MSRB3: variants seen among roughly 807,000 people sequenced by gnomAD.
The protein encoded by MSRB3 is methionine-R-sulfoxide reductase B3.
MSRB3 carries 13 observed loss-of-function variants against 21.0 expected under a neutral mutation model. The ratio of observed to expected loss-of-function variants is 0.62; its 90% CI spans 0.40 to 0.98. MSRB3 has a LOEUF of 0.98. MSRB3 is among the 50% of genes least tolerant of loss of function. The pLI is 0.00. For missense variants in MSRB3, 199 were observed against 230.3 expected (o/e 0.86, Z 0.88); for synonymous variants, 87 against 88.6 (o/e 0.98, Z 0.10).
intron 4 of MSRB3, among the ~76,000 whole-genome samples, chr12:65,367,326 A>G (rs779947859): frequency 1.3e-5 from 2 of 152,240 alleles, no homozygotes; most frequent in South Asian, 4.1e-4. Flanking sequence ...GTGGAGAACC[A>G]GATACTGAAT....
intron 5 of MSRB3, chr12:65,419,656 TG>T (rs2136640580): frequency 1.4e-6 from 1 of 711,400 alleles, no homozygotes; most frequent in Non-Finnish European, 2.6e-6. Context: ...GTCTCTGACC[TG>T]GGGTCCTGTC....
intron 5 of MSRB3, among the ~76,000 whole-genome samples, chr12:65,433,260 C>A (rs1215912570): frequency 6.6e-6 from 1 of 151,780 alleles, no homozygotes; most frequent in Non-Finnish European, 1.5e-5. Flanking sequence ...ACAAATTTAT[C>A]TTTCTTTAAA....
At chr12:65,333,236 A>G (rs763754459) in intron 4 of MSRB3, among the ~76,000 whole-genome samples, 13 of 152,200 alleles carry the variant, frequency 8.5e-5, no homozygotes, top group Non-Finnish European at 1.9e-4. Context: ...CTTTTTTGGC[A>G]TAGTAAGAAA....
At chr12:65,398,062 T>C (rs944068776) in intron 5 of MSRB3, among the ~76,000 whole-genome samples, 5 of 152,244 alleles carry the variant, frequency 3.3e-5, no homozygotes, top group Admixed American at 2.0e-4. Context: ...AGTGCTGCAA[T>C]AAACATACGT....
chr12:65,410,440 G>A (rs903061420), intron 5 of MSRB3, among the ~76,000 whole-genome samples: 55 of 152,218 alleles, frequency 3.6e-4, no homozygotes, highest in Middle Eastern at 3.4e-3. Flanking sequence ...CGGATCACTT[G>A]AGGCCAGCCT....
chr12:65,416,958 A>G (rs1592616620), intron 5 of MSRB3, among the ~76,000 whole-genome samples: 1 of 152,120 alleles, frequency 6.6e-6, no homozygotes, highest in African/African-American at 2.4e-5. Flanking sequence ...GAAGTCACAT[A>G]TATGATCCAT....
chr12:65,446,446 T>C (rs942657978), intron 5 of MSRB3, among the ~76,000 whole-genome samples: 1 of 152,224 alleles, frequency 6.6e-6, no homozygotes, highest in Non-Finnish European at 1.5e-5. Flanking sequence ...TAATTGTAGT[T>C]AGTAGAAAAA....
chr12:65,294,623 T>C (rs1250758990), intron 1 of MSRB3, among the ~76,000 whole-genome samples: 3 of 152,218 alleles, frequency 2.0e-5, no homozygotes, highest in Non-Finnish European at 1.5e-5. Context: ...GTTTTCCTCT[T>C]TGCTTTAAAA....
rs774714762 is a variant in MSRB3 at position 65,415,885 on chromosome 12, G to A, written c.293-37843G>A. Among the ~76,000 whole-genome samples, 40 of 152,154 alleles carry A rather than the reference G, an allele frequency of 2.6e-4. 1 individual carries two copies. Among genetic ancestry groups the A allele is most frequent in the Admixed American group, 1.6e-3 (24 of 15,254 alleles). ...CACTTCTGCCCCTGGCAGGCTTATA[G>A]TGCCAAGTTGTGGTTTGCAAACTCT... On this transcript the variant is annotated intron_variant, in intron 5 of 6. Transcript: ENST00000308259.
At chr12:65,417,245 T>C (rs957414798) in intron 5 of MSRB3, among the ~76,000 whole-genome samples, 8 of 152,172 alleles carry the variant, frequency 5.3e-5, no homozygotes, top group African/African-American at 1.9e-4. Context: ...ATTAAGGGAA[T>C]TAATGACATT....
At chr12:65,388,962 T>G (rs1879330546) in intron 5 of MSRB3, among the ~76,000 whole-genome samples, 1 of 152,198 alleles carries the variant, frequency 6.6e-6, no homozygotes, top group South Asian at 2.1e-4. Context: ...GCCTCCCTCT[T>G]TTCTTCTACC....
intron 1 of MSRB3, among the ~76,000 whole-genome samples, chr12:65,282,676 G>GTTTTTTTTTT (rs796149617): frequency 1.5e-5 from 2 of 133,768 alleles, no homozygotes; most frequent in Non-Finnish European, 1.6e-5. Context: ...CTTTGCTGGT[G>GTTTTTTTTTT]TTTTTTTTTT....
chr12:65,307,598 C>T (rs931789978), intron 1 of MSRB3, among the ~76,000 whole-genome samples: 15 of 151,824 alleles, frequency 9.9e-5, no homozygotes, highest in African/African-American at 2.9e-4. Context: ...TAGTATTTTC[C>T]ATTTGCATTT....
chr12:65,349,968 A>G (rs1876823810), intron 4 of MSRB3, among the ~76,000 whole-genome samples: 1 of 151,954 alleles, frequency 6.6e-6, no homozygotes, highest in South Asian at 2.1e-4. Flanking sequence ...GGTGTTTTGG[A>G]CATGACGTCC....
chr12:65,369,031 GT>G lies in MSRB3; in HGVS notation c.292+8del. 1 of 1,542,192 alleles carries G rather than the reference GT, an allele frequency of 6.5e-7. No homozygotes were observed. The highest frequency in any genetic ancestry group is 8.9e-7 in the Non-Finnish European group (1 of 1,128,000). ...CCAAATTTGACTCCGGTTCAGGTATGTTTACATTAATAATGCTCTTCTGAAT... is the reference window on the plus strand; with the variant it reads ...CCAAATTTGACTCCGGTTCAGGTATGTTACATTAATAATGCTCTTCTGAAT... On this transcript the variant is annotated splice_donor_region_variant and intron_variant, in intron 5 of 6. Coordinates refer to ENST00000308259, the MANE Select transcript of MSRB3 (RefSeq NM_001031679.3).
intron 4 of MSRB3, 101 bp downstream of exon 4, chr12:65,328,704 CTG>C: frequency 1.2e-6 from 1 of 838,024 alleles, no homozygotes; most frequent in Non-Finnish European, 2.0e-6. Flanking sequence ...GAATTTTCTT[CTG>C]TTTGTTTTTC....
intron 2 of MSRB3, among the ~76,000 whole-genome samples, chr12:65,326,279 T>C (rs559598225): frequency 6.6e-6 from 1 of 152,286 alleles, no homozygotes; most frequent in Non-Finnish European, 1.5e-5. Flanking sequence ...AAGTTTCTGA[T>C]GGAATCATGG....
At chr12:65,349,868 A>G (rs1876816865) in intron 4 of MSRB3, among the ~76,000 whole-genome samples, 1 of 151,448 alleles carries the variant, frequency 6.6e-6, no homozygotes, top group Non-Finnish European at 1.5e-5. Context: ...TTGACTGTTC[A>G]CTCTGATGGT....
At chr12:65,451,239 G>T (rs1443058362) in intron 5 of MSRB3, among the ~76,000 whole-genome samples, 1 of 152,138 alleles carries the variant, frequency 6.6e-6, no homozygotes, top group African/African-American at 2.4e-5. Flanking sequence ...GAGTTTTGGG[G>T]AGTTTTGAAA....
Sources: gnomAD v4.1 joint callset for allele counts (sites outside exome capture counted in the v4.1 genomes callset) on GRCh38, gnomAD v4.1.1 for gene constraint, MANE v1.5 for transcripts, NCBI Gene and HGNC (gene_info 2026-07-23, HGNC 2026-07-21) for gene names.